ZNF711: variants seen among roughly 807,000 people sequenced by gnomAD.
ZNF711 encodes ZFX family zinc finger ZNF711, also known as zinc finger protein 711.
A neutral mutation model predicts 43.5 loss-of-function variants in ZNF711; 3 were observed. That is an observed-to-expected ratio of 0.07 (90% confidence interval 0.03 to 0.18). The LOEUF (loss-of-function observed/expected upper bound fraction) is 0.18, where lower values mean the gene tolerates loss of function less well. Among genes scored for constraint, ZNF711 ranks in the 10% least tolerant of loss-of-function variants. ZNF711 has a pLI of 1.00. For missense variants in ZNF711, 412 were observed against 604.0 expected (o/e 0.68, Z 3.33); for synonymous variants, 209 against 207.7 (o/e 1.01, Z -0.06).
chrX:85,270,901 A>G lies in ZNF711; in HGVS notation c.1497A>G (p.Arg499=). ...CCCATGAATTTACAGAATACACACGAAGATACAGAGAGGCTAGTCCACTGA... is the reference window on the plus strand; with the variant it reads ...CCCATGAATTTACAGAATACACACGGAGATACAGAGAGGCTAGTCCACTGA... The part of the protein sequence containing the change: ...DKTHEFTEYT[R]RYREASPLSS... Residue 499 remains arginine, a synonymous_variant, in exon 11 of 11, where the codon CGA becomes CGG. Transcript: ENST00000674551. 1 of 1,210,870 alleles carries G rather than the reference A, an allele frequency of 8.3e-7. No individual in the cohort carries two copies. The highest frequency in any genetic ancestry group is 1.1e-6 in the Non-Finnish European group (1 of 894,964).
chrX:85,271,788 A>G lies in ZNF711; in HGVS notation c.2384A>G (p.Asn795Ser). The G allele has an allele frequency of 8.3e-7, 1 of 1,211,060 alleles. No individual in the cohort carries two copies. Among genetic ancestry groups the G allele is most frequent in the Non-Finnish European group, 1.1e-6 (1 of 894,985 alleles). Residue 795 changes from asparagine to serine, a missense_variant, in exon 11 of 11, where the codon AAT becomes AGT. Around this residue, in one of 4 missense-constraint regions of ZNF711, gnomAD observed 12 missense variants for 17.6 expected, o/e 0.68. Coordinates refer to ENST00000674551, the MANE Select transcript of ZNF711 (RefSeq NM_001330574.2). ...GGATTCCGAAGACCATCAGAAAAAA[A>G]TCAGCATATTATGAGGCACCACAAA... ...KKGFRRPSEK[N>S]QHIMRHHKEA...
chrX:85,266,722 C>T (rs1931126670), intron 7 of ZNF711, among the ~76,000 whole-genome samples: 1 of 108,781 alleles, frequency 9.2e-6, no homozygotes, highest in Admixed American at 1.0e-4. Flanking sequence ...TGCTTTCTCT[C>T]CTCAGTAGAA....
chrX:85,260,316 T>TG (rs201718097), intron 5 of ZNF711, among the ~76,000 whole-genome samples: 10,911 of 110,726 alleles, frequency 0.099, 533 homozygotes, highest in South Asian at 0.16. Context: ...TGAGGATTCT[T>TG]GCTTAAGGAA....
At chrX:85,248,920 G>A (rs1301589616) in intron 4 of ZNF711, among the ~76,000 whole-genome samples, 2 of 111,985 alleles carry the variant, frequency 1.8e-5, no homozygotes, top group African/African-American at 3.3e-5. Flanking sequence ...AGTCATGGCA[G>A]TGCTGTTAAC....
rs759112218 is a variant in ZNF711, at chrX:85,255,561, G to A, written c.382G>A (p.Val128Ile). ...AGAAACCGTTAGGGTACCAGAGCAG[G>A]TTTTCGTGGCTGACCTTGTTACTGG... ...ITETVRVPEQ[V>I]FVADLVTGPN... Residue 128 changes from valine to isoleucine, a missense_variant, in exon 5 of 11, where the codon GTT becomes ATT. Val to Ile is a conservative substitution (Grantham distance 29). This residue lies in a region of ZNF711 where 375 missense variants were observed against 514.2 expected (regional missense o/e 0.73). Transcript: ENST00000674551. 1.6e-5 allele frequency: 19 copies of A among 1,211,833 alleles called. No homozygotes were observed. Among genetic ancestry groups the A allele is most frequent in the Non-Finnish European group, 2.1e-5 (19 of 895,575 alleles).
intron 8 of ZNF711, among the ~76,000 whole-genome samples, chrX:85,267,951 C>T (rs944377149): frequency 1.8e-5 from 2 of 111,399 alleles, no homozygotes; most frequent in Non-Finnish European, 3.8e-5. Flanking sequence ...TGTTCAAATG[C>T]ATTAATTTAT....
intron 5 of ZNF711, among the ~76,000 whole-genome samples, chrX:85,258,481 T>C (rs928240480): frequency 1.2e-4 from 13 of 110,090 alleles, no homozygotes; most frequent in African/African-American, 1.7e-4. Context: ...AAAGAACTTA[T>C]TCATGTAACC....
rs1356929276 is a variant in ZNF711, at chrX:85,273,271, T to C, written c.*1443T>C. 8.9e-6 allele frequency: 1 copy of C among 112,119 alleles called. No homozygotes were observed. The highest frequency in any genetic ancestry group is 1.9e-5 in the Non-Finnish European group (1 of 53,060). The allele number at this position is 112,119 out of a possible 1,213,427, so 9.2% of individuals were successfully genotyped here. On this transcript the variant is annotated 3_prime_UTR_variant, in exon 11 of 11. Coordinates refer to ENST00000674551, the MANE Select transcript of ZNF711 (RefSeq NM_001330574.2). ...GTGGCTGTAAATGATGTACACGCTG[T>C]AAAATAAGATCGCTACTGTTATGTG...
chrX:85,269,349 T>G (rs921264119), intron 9 of ZNF711, among the ~76,000 whole-genome samples: 1 of 110,139 alleles, frequency 9.1e-6, no homozygotes, highest in African/African-American at 3.3e-5. Flanking sequence ...TTTTCTTTCT[T>G]TTTTTTCTTT....
At chrX:85,244,298 A>G (rs1487141689) in intron 1 of ZNF711, 107 bp downstream of exon 1, 1 of 116,818 alleles carries the variant, frequency 8.6e-6, no homozygotes, top group African/African-American at 3.2e-5. Flanking sequence ...CGTAGGGCGA[A>G]GGGAACAATG....
intron 9 of ZNF711, among the ~76,000 whole-genome samples, chrX:85,269,075 C>T (rs761316926): frequency 1.7e-4 from 19 of 111,654 alleles, no homozygotes; most frequent in African/African-American, 5.5e-4. Flanking sequence ...AATGTATGCA[C>T]TGATCACACT....
At chrX:85,252,192 AC>A (rs1241456582) in intron 4 of ZNF711, among the ~76,000 whole-genome samples, 30 of 112,292 alleles carry the variant, frequency 2.7e-4, no homozygotes, top group African/African-American at 9.7e-4. Context: ...TGAGGGACTT[AC>A]CAATTCTTGG....
At position 85,271,021 on chromosome X, in the gene ZNF711, G is replaced by T; in HGVS notation, c.1617G>T (p.Arg539Ser). 1.7e-5 allele frequency: 20 copies of T among 1,210,968 alleles called. No homozygotes were observed. The highest frequency in any genetic ancestry group is 2.1e-5 in the Non-Finnish European group (19 of 895,182). ...CTGCAGAACAAGGACTGTTAAACAG[G>T]CATTTGTTGGCCGTTCACAGCAAGA... The part of the protein sequence containing the change: ...YETAEQGLLN[R>S]HLLAVHSKNF... The change falls in exon 11 of 11, where the codon AGG (arginine) becomes AGT (serine). Residue 539 changes from arginine (R) to serine (S), a missense_variant. By Grantham distance (110) the Arg-to-Ser change is moderately radical. Coordinates refer to ENST00000674551, the MANE Select transcript of ZNF711 (RefSeq NM_001330574.2).
At chrX:85,245,710 G>A (rs1351143874) in intron 1 of ZNF711, among the ~76,000 whole-genome samples, 193 bp from the exon 2 acceptor site, 1 of 112,120 alleles carries the variant, frequency 8.9e-6, no homozygotes, top group Non-Finnish European at 1.9e-5. Context: ...GTATAATAAC[G>A]TTGCTAATGT....
At position 85,267,552 on chromosome X, in the gene ZNF711, T is replaced by C. The variant is rs1298189219; in HGVS notation, c.1054+137T>C. The C allele has an allele frequency of 5.1e-5, 22 of 431,311 alleles. No homozygotes were observed. In the East Asian group the frequency reaches 1.0e-3, roughly 20 times the overall value. 35.5% of individuals were successfully genotyped at this position (431,311 alleles called of 1,213,427 possible). On this transcript the variant is annotated intron_variant, in intron 8 of 10. Transcript: ENST00000674551. The stretch of plus-strand genomic sequence containing the variant: ...ATGTTTTACACTGTGGACTGATTCA[T>C]CTCTAGTTACTTTAGATGATTTTTC...
chrX:85,264,252 A>G, intron 5 of ZNF711, 23 bp from the exon 6 acceptor site: 1 of 1,166,042 alleles, frequency 8.6e-7, no homozygotes, highest in African/African-American at 1.8e-5. Flanking sequence ...TTTGACTGAA[A>G]TAATTTTGTT....
At chrX:85,248,413 G>A (rs1389091013) in intron 4 of ZNF711, among the ~76,000 whole-genome samples, 3 of 98,452 alleles carry the variant, frequency 3.0e-5, no homozygotes, top group African/African-American at 7.7e-5. Flanking sequence ...AGGTTGCAAC[G>A]AGCTGAGCTG....
At chrX:85,251,150 T>C (rs1929515691) in intron 4 of ZNF711, among the ~76,000 whole-genome samples, 1 of 111,655 alleles carries the variant, frequency 9.0e-6, no homozygotes, top group Non-Finnish European at 1.9e-5. Flanking sequence ...ACTTAGAGTT[T>C]AACATACACA....
At chrX:85,267,181 CTG>C (rs1931164701) in intron 7 of ZNF711, 95 bp from the exon 8 acceptor site, 1 of 744,700 alleles carries the variant, frequency 1.3e-6, no homozygotes, top group South Asian at 4.8e-5. Flanking sequence ...ATTAACCAAA[CTG>C]AAATTTGAAA....
Sources: gnomAD v4.1 joint callset for allele counts (sites outside exome capture counted in the v4.1 genomes callset) on GRCh38, gnomAD v4.1.1 for gene constraint, gnomAD v4.1.1 regional missense constraint, MANE v1.5 for transcripts, NCBI Gene and HGNC (gene_info 2026-07-23, HGNC 2026-07-21) for gene names.